FGD3: variants seen among roughly 807,000 people sequenced by gnomAD.
FGD3 encodes FYVE, RhoGEF and PH domain containing 3.
In FGD3, 45 loss-of-function variants were observed where a neutral mutation model predicts 71.8. The observed-to-expected ratio is 0.63, with a 90% CI of 0.49 to 0.80. FGD3 has a LOEUF of 0.80. Ranked by LOEUF, FGD3 falls within the 30% of genes least tolerant of loss-of-function variation. FGD3 has a pLI of 0.00. For missense variants in FGD3, 844 were observed against 951.5 expected (o/e 0.89, Z 1.49); for synonymous variants, 378 against 392.8 (o/e 0.96, Z 0.44).
chr9:92,984,115 C>G (rs1023499974), intron 3 of FGD3, among the ~76,000 whole-genome samples: 23 of 152,322 alleles, frequency 1.5e-4, no homozygotes, highest in African/African-American at 5.1e-4. Context: ...ACAGCTAGCT[C>G]TGTATGTCCC....
intron 1 of FGD3, among the ~76,000 whole-genome samples, chr9:92,953,716 G>T (rs889678417): frequency 6.6e-6 from 1 of 152,184 alleles, no homozygotes; most frequent in Non-Finnish European, 1.5e-5. Context: ...AAAGTTAAGG[G>T]CAGTGCCAAG....
intron 10 of FGD3, among the ~76,000 whole-genome samples, chr9:93,017,817 G>A (rs1861758712): frequency 6.6e-6 from 1 of 151,990 alleles, no homozygotes; most frequent in Non-Finnish European, 1.5e-5. Flanking sequence ...CTTTAAGGAG[G>A]ATGGATGGGG....
intron 16 of FGD3, chr9:93,033,259 A>G: frequency 3.1e-6 from 1 of 322,930 alleles, no homozygotes; most frequent in East Asian, 8.3e-5. Flanking sequence ...GAGGGTGAGC[A>G]GGGCCCTGGA....
rs201134407 is a variant in FGD3, at chr9:93,010,534, G to A, written c.976+150G>A. ...CAGAGGGAAAGAGACAGAGACAGAG[G>A]CAGGGGAGGGAGAGAGATGGAGACA... On this transcript the variant is annotated intron_variant, in intron 7 of 17. Coordinates refer to ENST00000375482, the MANE Select transcript of FGD3 (RefSeq NM_001083536.2). The A allele has an allele frequency of 6.2e-3, 2,705 of 433,098 alleles. 9 individuals carry two copies. Among genetic ancestry groups the A allele is most frequent in the Admixed American group, 6.8e-3 (117 of 17,236 alleles). The allele number at this position is 433,098 out of a possible 1,614,324, so 26.8% of individuals were successfully genotyped here. A position where few individuals can be genotyped will look rare whatever the true frequency, so the allele number is the denominator to read the frequency against.
At chr9:93,028,197 G>GACAC (rs371150500) in intron 14 of FGD3, among the ~76,000 whole-genome samples, 45,459 of 147,018 alleles carry the variant, frequency 0.31, 7,403 homozygotes, top group African/African-American at 0.42. Context: ...CCCTAGCCCC[G>GACAC]ACACACACAC....
chr9:92,963,538 G>C (rs564062481), intron 1 of FGD3, among the ~76,000 whole-genome samples: 1 of 152,248 alleles, frequency 6.6e-6, no homozygotes, highest in African/African-American at 2.4e-5. Flanking sequence ...GACCTCAAGT[G>C]ATCCTCCCTC....
At chr9:93,026,938 A>G (rs1051065418) in intron 14 of FGD3, among the ~76,000 whole-genome samples, 12 of 151,924 alleles carry the variant, frequency 7.9e-5, no homozygotes, top group Non-Finnish European at 1.5e-4. Flanking sequence ...AATCACTCCC[A>G]CTTCCCAGCC....
chr9:93,030,723 G>T (rs570089939), intron 15 of FGD3, among the ~76,000 whole-genome samples: 7 of 144,112 alleles, frequency 4.9e-5, no homozygotes, highest in African/African-American at 7.4e-5. Context: ...GGCAGCAGGG[G>T]GGGGGGAATA....
chr9:92,955,087 C>T (rs1454665428), intron 1 of FGD3, among the ~76,000 whole-genome samples: 4 of 152,082 alleles, frequency 2.6e-5, no homozygotes, highest in Non-Finnish European at 5.9e-5. Flanking sequence ...AGGCAAGGCC[C>T]GTGAGGGTAG....
At chr9:93,006,893 A>T (rs955169690) in intron 6 of FGD3, among the ~76,000 whole-genome samples, 30 of 149,272 alleles carry the variant, frequency 2.0e-4, no homozygotes, top group African/African-American at 6.2e-4. Flanking sequence ...CGCCCAGCTA[A>T]TTTTTTTGTA....
At chr9:93,011,716 C>T (rs979891965) in intron 8 of FGD3, among the ~76,000 whole-genome samples, 23 of 147,722 alleles carry the variant, frequency 1.6e-4, no homozygotes, top group African/African-American at 5.0e-4. Context: ...ATTAGCTGGG[C>T]GTAGTGGTGT....
chr9:93,031,633 C>T (rs1862359528), intron 15 of FGD3, among the ~76,000 whole-genome samples: 1 of 152,168 alleles, frequency 6.6e-6, no homozygotes, highest in East Asian at 1.9e-4. Context: ...GAGCAATCTC[C>T]CCTCTGCTGT....
At position 93,003,612 on chromosome 9, in the gene FGD3, G is replaced by A. The variant is rs565101683; in HGVS notation, c.544-389G>A. On this transcript the variant is annotated intron_variant, in intron 4 of 17. Transcript: ENST00000375482. This position sits in a 1 kb window ranked among gnomAD's most constrained non-coding sequence, Gnocchi z 4.1. ...ATCTCTATCCACATGACAACGTGGG[G>A]TTTATGAGCACAGGAAATAAAGCAC... Among the ~76,000 whole-genome samples, 2 of 152,308 alleles carry A rather than the reference G, an allele frequency of 1.3e-5. No individual in the cohort carries two copies. Among genetic ancestry groups the A allele is most frequent in the Admixed American group, 6.5e-5 (1 of 15,288 alleles).
In FGD3 at chr9:93,032,812, G is replaced by A. The variant is rs747655335; in HGVS notation, c.1724G>A (p.Arg575Gln). 26 of 1,614,238 alleles carry A rather than the reference G, an allele frequency of 1.6e-5. No homozygotes were observed. The highest frequency in any genetic ancestry group is 2.2e-5 in the South Asian group (2 of 91,090). The change falls in exon 16 of 18, where the codon CGG becomes CAG. Residue 575 changes from arginine (R) to glutamine (Q), a missense_variant. Arg to Gln is a conservative substitution (Grantham distance 43). Coordinates refer to ENST00000375482, the MANE Select transcript of FGD3 (RefSeq NM_001083536.2). ...KCSEFKAENS[R>Q]QSRVCRDCFL... ...TCCGAGTTCAAGGCCGAGAACAGCC[G>A]GCAGAGCCGTGTCTGCAGAGATTGT...
chr9:93,017,960 G>C (rs1410064503), intron 10 of FGD3, among the ~76,000 whole-genome samples, 176 bp from the exon 11 acceptor site: 1 of 152,174 alleles, frequency 6.6e-6, no homozygotes, highest in African/African-American at 2.4e-5. Context: ...TGATGGACCA[G>C]CTCATGTAGC....
At chr9:92,987,743 C>T (rs1314029452) in intron 3 of FGD3, among the ~76,000 whole-genome samples, 1 of 152,168 alleles carries the variant, frequency 6.6e-6, no homozygotes, top group Non-Finnish European at 1.5e-5. Context: ...TTGGGAGGGG[C>T]CGTATGTGTA....
chr9:92,953,639 C>T (rs935740415), intron 1 of FGD3, among the ~76,000 whole-genome samples: 5 of 152,206 alleles, frequency 3.3e-5, no homozygotes, highest in South Asian at 2.1e-4. Flanking sequence ...CACCTGCACA[C>T]GGGCCTCACA....
rs2118662188 is a variant in FGD3 at position 92,994,570 on chromosome 9, T to A, written c.454-8355T>A. Reference sequence around the variant, plus strand: ...GCCCATGCTTATGGCCTGAATGGTATTGCCTAGCTTTTCTTCCAGGGTTTT... The same window carrying A: ...GCCCATGCTTATGGCCTGAATGGTAATGCCTAGCTTTTCTTCCAGGGTTTT... On this transcript the variant is annotated intron_variant, in intron 3 of 17. Transcript: ENST00000375482. Among the ~76,000 whole-genome samples the A allele has an allele frequency of 2.0e-5, 3 of 152,374 alleles. No homozygotes were observed. In the South Asian group the frequency reaches 6.2e-4, roughly 32 times the overall value.
intron 1 of FGD3, among the ~76,000 whole-genome samples, chr9:92,955,102 A>G (rs1318819540): frequency 6.6e-6 from 1 of 152,092 alleles, no homozygotes; most frequent in Non-Finnish European, 1.5e-5. Context: ...GGGTAGGGAG[A>G]GGTGCTCCCA....
Sources: allele counts gnomAD v4.1 joint callset (sites outside exome capture counted in the v4.1 genomes callset), GRCh38; gene constraint gnomAD v4.1.1; non-coding constraint Gnocchi (gnomAD v3.1); transcripts MANE v1.5; gene names NCBI Gene and HGNC (gene_info 2026-07-23, HGNC 2026-07-21).